The following CAMTA1 variants were observed in gnomAD, a reference collection of about 807,000 sequenced individuals.
CAMTA1 encodes the protein calmodulin binding transcription activator 1.
A neutral mutation model predicts 170.9 loss-of-function variants in CAMTA1; 27 were observed. The ratio of observed to expected loss-of-function variants is 0.16; its 90% CI spans 0.12 to 0.22. CAMTA1 has a LOEUF of 0.22. Ranked by LOEUF, CAMTA1 falls within the 10% of genes least tolerant of loss-of-function variation. The pLI is 1.00. For synonymous variants in CAMTA1, 833 were observed against 891.5 expected, an observed-to-expected ratio of 0.93 and a Z score of 1.17; for missense variants, 1,619 against 2,217.2, an observed-to-expected ratio of 0.73 and a Z score of 5.42.
intron 6 of CAMTA1, among the ~76,000 whole-genome samples, chr1:7,528,171 T>C (rs1389142359): frequency 1.3e-5 from 2 of 152,168 alleles, no homozygotes; most frequent in East Asian, 3.9e-4. Context: ...ACTGATCTTG[T>C]TCCTGAGCTT....
intron 15 of CAMTA1, 136 bp downstream of exon 15, chr1:7,737,706 G>T: frequency 1.1e-6 from 1 of 951,952 alleles, no homozygotes; most frequent in Non-Finnish European, 1.5e-6. Context: ...TTTTCTTTAA[G>T]AATGCCTAGT....
At chr1:7,147,869 GCA>G (rs1429287786) in intron 4 of CAMTA1, among the ~76,000 whole-genome samples, 1 of 130,004 alleles carries the variant, frequency 7.7e-6, no homozygotes, top group Non-Finnish European at 1.6e-5. Flanking sequence ...CATACACCAT[GCA>G]CACACACAAA....
At chr1:6,952,881 T>G (rs1466291035) in intron 3 of CAMTA1, among the ~76,000 whole-genome samples, 1 of 152,068 alleles carries the variant, frequency 6.6e-6, no homozygotes, top group Non-Finnish European at 1.5e-5. Context: ...GCAGGGAACT[T>G]GGAACATACA....
chr1:7,729,227 C>T (rs2096714471), intron 11 of CAMTA1, among the ~76,000 whole-genome samples: 1 of 151,652 alleles, frequency 6.6e-6, no homozygotes, highest in South Asian at 2.1e-4. Context: ...AGCGATTTTC[C>T]TGTATCAGCC....
chr1:7,044,548 C>T lies in CAMTA1; in HGVS notation c.235-46756C>T, dbSNP rs117675795. ...GCATCTGAGGCTAGGAAGGCACATG[C>T]GTGATTAGCAGATGGGTGATGGGGC... On this transcript the variant is annotated intron_variant, in intron 3 of 22. Transcript: ENST00000303635. This position sits in a 1 kb window ranked among gnomAD's most constrained non-coding sequence, Gnocchi z 5.0. 8.7e-4 allele frequency among the ~76,000 whole-genome samples: 132 copies of T among 152,314 alleles called. 2 individuals carry two copies. The East Asian group carries it at 0.024, about 28-fold the overall frequency.
At chr1:7,604,491 A>G (rs933847473) in intron 6 of CAMTA1, among the ~76,000 whole-genome samples, 1 of 152,200 alleles carries the variant, frequency 6.6e-6, no homozygotes, top group African/African-American at 2.4e-5. Context: ...AGGCTTGTGC[A>G]TTCATCACAT....
intron 6 of CAMTA1, among the ~76,000 whole-genome samples, chr1:7,513,557 A>G (rs2094233391): frequency 6.6e-6 from 1 of 152,100 alleles, no homozygotes; most frequent in Admixed American, 6.5e-5. Flanking sequence ...TTGGCTGTAG[A>G]AAGATCACTC....
chr1:7,246,645 A>C (rs1665833781), intron 4 of CAMTA1, among the ~76,000 whole-genome samples: 2 of 126,072 alleles, frequency 1.6e-5, no homozygotes, highest in Admixed American at 8.1e-5. Flanking sequence ...CCTTCCTCTG[A>C]TCCCTTCCCA....
At chr1:6,809,668 A>C (rs2148327519) in intron 1 of CAMTA1, among the ~76,000 whole-genome samples, 1 of 152,252 alleles carries the variant, frequency 6.6e-6, no homozygotes, top group African/African-American at 2.4e-5. Context: ...GAAGGGGAGC[A>C]GAGAAGGGGC....
At chr1:7,396,538 T>A (rs1265808435) in intron 5 of CAMTA1, among the ~76,000 whole-genome samples, 1 of 152,218 alleles carries the variant, frequency 6.6e-6, no homozygotes, top group Admixed American at 6.5e-5. Context: ...CTGTTTTGAA[T>A]AAAAGTGGTA....
intron 5 of CAMTA1, among the ~76,000 whole-genome samples, chr1:7,397,330 A>G (rs1368449757): frequency 6.6e-6 from 1 of 151,996 alleles, no homozygotes; most frequent in Non-Finnish European, 1.5e-5. Flanking sequence ...GGTATCACCT[A>G]TAATGTTGCC....
intron 3 of CAMTA1, among the ~76,000 whole-genome samples, chr1:6,955,945 T>C (rs566718035): frequency 1.5e-4 from 23 of 152,290 alleles, no homozygotes; most frequent in African/African-American, 4.8e-4. Context: ...AAGCATGCAC[T>C]GAGGAGGCAA....
At chr1:7,253,375 A>C (rs1226334981) in intron 5 of CAMTA1, among the ~76,000 whole-genome samples, 1 of 152,042 alleles carries the variant, frequency 6.6e-6, no homozygotes, top group Non-Finnish European at 1.5e-5. Context: ...AGTTCATGAT[A>C]CTTTTCTCTG....
intron 3 of CAMTA1, among the ~76,000 whole-genome samples, chr1:7,035,400 CA>C (rs34384173): frequency 0.011 from 1,552 of 139,810 alleles, 10 homozygotes; most frequent in Non-Finnish European, 0.014. Context: ...AACTCGGTCT[CA>C]AAAAAAAAAA....
chr1:7,184,035 C>T (rs1456816055), intron 4 of CAMTA1, among the ~76,000 whole-genome samples: 5 of 152,240 alleles, frequency 3.3e-5, no homozygotes, highest in East Asian at 3.9e-4. Context: ...TACACAATGG[C>T]GCACTATTCA....
At chr1:7,099,915 T>C (rs1221840146) in intron 4 of CAMTA1, among the ~76,000 whole-genome samples, 1 of 152,096 alleles carries the variant, frequency 6.6e-6, no homozygotes, top group Non-Finnish European at 1.5e-5. Context: ...GAGTTCGGAG[T>C]CTTTCCAGAC....
chr1:6,973,895 G>A (rs750830589), intron 3 of CAMTA1, among the ~76,000 whole-genome samples: 3 of 152,182 alleles, frequency 2.0e-5, no homozygotes, highest in Admixed American at 6.5e-5. Flanking sequence ...TCCCACAGCC[G>A]GGGAAGGGGC....
At chr1:7,654,595 TAC>T (rs145380920) in intron 7 of CAMTA1, among the ~76,000 whole-genome samples, 96,588 of 139,484 alleles carry the variant, frequency 0.69, 33,071 homozygotes, top group East Asian at 0.92. Context: ...CACACAGCTA[TAC>T]ACACACACTC....
chr1:7,708,598 T>C lies in CAMTA1; in HGVS notation c.2915-23850T>C, dbSNP rs1371061196. Among the ~76,000 whole-genome samples the C allele has an allele frequency of 3.3e-5, 5 of 152,254 alleles. No homozygotes were observed. The South Asian group carries it at 1.0e-3, about 31-fold the overall frequency. ...TGATAGACTAACTGGAATTTTAGTT[T>C]ATAAAGTATCGTGATCCCTGTAATT... On this transcript the variant is annotated intron_variant, in intron 11 of 22. Coordinates refer to ENST00000303635, the MANE Select transcript of CAMTA1 (RefSeq NM_015215.4).
Sources: allele counts gnomAD v4.1 joint callset (sites outside exome capture counted in the v4.1 genomes callset), GRCh38; gene constraint gnomAD v4.1.1; non-coding constraint Gnocchi (gnomAD v3.1); transcripts MANE v1.5; gene names NCBI Gene and HGNC (gene_info 2026-07-23, HGNC 2026-07-21).